Variants in MBD5 observed in about 807,000 individuals in gnomAD.
MBD5 encodes the protein methyl-CpG-binding domain protein 5.
MBD5 carries 13 observed loss-of-function variants against 117.3 expected under a neutral mutation model. The ratio of observed to expected loss-of-function variants is 0.11; its 90% CI spans 0.07 to 0.18. The LOEUF (loss-of-function observed/expected upper bound fraction) is 0.18, where lower values mean the gene tolerates loss of function less well. MBD5 is among the 10% of genes least tolerant of loss of function. The pLI is 1.00. For missense variants in MBD5, 1,879 were observed against 2,093.8 expected (o/e 0.90, Z 2.00); for synonymous variants, 727 against 766.4 (o/e 0.95, Z 0.85).
At position 148,469,351 on chromosome 2, in the gene MBD5, G is replaced by A; in HGVS notation, c.1408G>A (p.Gly470Arg). 6.2e-7 allele frequency: 1 copy of A among 1,613,666 alleles called. No individual in the cohort carries two copies. The highest frequency in any genetic ancestry group is 8.5e-7 in the Non-Finnish European group (1 of 1,179,934). The change falls in exon 8 of 14, where the codon GGA becomes AGA. Residue 470 changes from glycine (G) to arginine (R), a missense_variant. Physicochemically the swap from Gly to Arg is moderately radical, Grantham distance 125. This residue lies in a region of MBD5 where 1,666 missense variants were observed against 1,792.2 expected (regional missense o/e 0.93). Transcript: ENST00000642680. Reference protein sequence around the residue: ...SRSSSTSSDHGNFMMPPVGPQ... With the variant: ...SRSSSTSSDHRNFMMPPVGPQ... ...CTCATCTTCCACATCATCAGATCAT[G>A]GAAATTTCATGATGCCACCTGTAGG... is the stretch of plus-strand genomic sequence containing the variant.
At chr2:148,064,337 G>C (rs1695125237) in intron 1 of MBD5, among the ~76,000 whole-genome samples, 1 of 151,448 alleles carries the variant, frequency 6.6e-6, no homozygotes, top group Non-Finnish European at 1.5e-5. Flanking sequence ...GGATGGTCTC[G>C]ATCTCCTGAC....
At chr2:148,355,222 T>C (rs1298781614) in intron 4 of MBD5, among the ~76,000 whole-genome samples, 1 of 151,960 alleles carries the variant, frequency 6.6e-6, no homozygotes, top group Non-Finnish European at 1.5e-5. Flanking sequence ...ATTCTGTAGG[T>C]GGTCTGTTCA....
At chr2:148,145,211 T>A (rs1235446977) in intron 1 of MBD5, among the ~76,000 whole-genome samples, 1 of 152,346 alleles carries the variant, frequency 6.6e-6, no homozygotes, top group South Asian at 2.1e-4. Flanking sequence ...TTTGAAGCAA[T>A]TGTGAATGGG....
chr2:148,293,169 A>T (rs973585580), intron 3 of MBD5, among the ~76,000 whole-genome samples: 9 of 151,334 alleles, frequency 5.9e-5, no homozygotes, highest in African/African-American at 2.2e-4. Flanking sequence ...AAAAAAAAAA[A>T]AATTAGCCAG....
intron 2 of MBD5, among the ~76,000 whole-genome samples, chr2:148,187,307 C>T (rs73009272): frequency 6.8e-6 from 1 of 146,312 alleles, no homozygotes; most frequent in African/African-American, 2.7e-5. Context: ...TTCCTCCATA[C>T]CCCCCCCAAA....
intron 4 of MBD5, among the ~76,000 whole-genome samples, chr2:148,368,568 A>G (rs1194659889): frequency 2.0e-5 from 3 of 152,176 alleles, no homozygotes; most frequent in Non-Finnish European, 2.9e-5. Context: ...GCTCTTACTA[A>G]TTCTTGGTAA....
At chr2:148,276,435 A>G (rs1184764757) in intron 3 of MBD5, among the ~76,000 whole-genome samples, 1 of 152,204 alleles carries the variant, frequency 6.6e-6, no homozygotes, top group East Asian at 1.9e-4. Flanking sequence ...ACCATTTGCC[A>G]TATTTGGTTT....
Position 148,490,058 on chromosome 2 carries a change from G to A in MBD5, c.4426G>A (p.Glu1476Lys), listed in dbSNP as rs868827314. ...CTCTACACTGCCATTTCTGCCTGGG[G>A]AACAGCACCCAATACTGTTACCACC... ...NVSTLPFLPG[E>K]QHPILLPPRN... The change falls in exon 11 of 14, where the codon GAA becomes AAA. Residue 1476 changes from glutamate (E) to lysine (K), a missense_variant. By Grantham distance (56) the Glu-to-Lys change is moderately conservative. This residue lies in a region of MBD5 where 1,666 missense variants were observed against 1,792.2 expected (regional missense o/e 0.93). Coordinates refer to ENST00000642680, the MANE Select transcript of MBD5 (RefSeq NM_001378120.1). 1 of 1,613,868 alleles carries A rather than the reference G, an allele frequency of 6.2e-7. No homozygotes were observed. The highest frequency in any genetic ancestry group is 1.1e-5 in the South Asian group (1 of 91,054).
chr2:148,390,425 TTA>T (rs140339054), intron 4 of MBD5, among the ~76,000 whole-genome samples: 8 of 151,044 alleles, frequency 5.3e-5, no homozygotes, highest in Non-Finnish European at 8.8e-5. Flanking sequence ...TCTATAATAA[TTA>T]TATATATATG....
intron 1 of MBD5, among the ~76,000 whole-genome samples, chr2:148,069,116 C>G (rs1451260647): frequency 6.6e-6 from 1 of 152,130 alleles, no homozygotes; most frequent in African/African-American, 2.4e-5. Context: ...TTCAGAATAT[C>G]TGATTCCCTT....
At chr2:148,442,692 A>T (rs541680978) in intron 4 of MBD5, among the ~76,000 whole-genome samples, 1 of 151,354 alleles carries the variant, frequency 6.6e-6, no homozygotes, top group African/African-American at 2.5e-5. Context: ...TTGGATATCC[A>T]TATATAAAAG....
chr2:148,490,681 G>C, intron 11 of MBD5, 87 bp downstream of exon 11: 1 of 1,538,172 alleles, frequency 6.5e-7, no homozygotes, highest in Non-Finnish European at 8.9e-7. Flanking sequence ...TGGATTCTTT[G>C]GATTTGAAAT....
chr2:148,032,816 C>T lies in MBD5; in HGVS notation c.-925+11132C>T, dbSNP rs185284529. ...GAATCATGGTTACAGTGACAGGTCT[C>T]ATAAGAAACCCTTTTAACAGAAATA... On this transcript the variant is annotated intron_variant, in intron 1 of 13. Coordinates refer to ENST00000642680, the MANE Select transcript of MBD5 (RefSeq NM_001378120.1). Among the ~76,000 whole-genome samples the T allele has an allele frequency of 2.0e-4, 31 of 152,144 alleles. 2 individuals carry two copies. In the East Asian group the frequency reaches 6.0e-3, roughly 29 times the overall value.
chr2:148,076,344 A>T (rs1287246011), intron 1 of MBD5, among the ~76,000 whole-genome samples: 1 of 152,208 alleles, frequency 6.6e-6, no homozygotes, highest in East Asian at 1.9e-4. Context: ...TTATGAAGTA[A>T]TGAGAAATAA....
chr2:148,169,993 G>T (rs1294183552), intron 1 of MBD5, among the ~76,000 whole-genome samples: 1 of 151,730 alleles, frequency 6.6e-6, no homozygotes, highest in African/African-American at 2.4e-5. Flanking sequence ...CGCCTCCCGG[G>T]TTCACGCCAT....
At chr2:148,102,892 GTGGGGAA>G (rs1696268808) in intron 1 of MBD5, among the ~76,000 whole-genome samples, 1 of 151,992 alleles carries the variant, frequency 6.6e-6, no homozygotes, top group Admixed American at 6.6e-5. Context: ...CAAATGTTTT[GTGGGGAA>G]TTTTTTTTTA....
chr2:148,374,701 A>G lies in MBD5; in HGVS notation c.-557+32365A>G, dbSNP rs181477131. ...AAGTACCTCCTCTCAGGATTCTGGG[A>G]TATTACAGAAGATGATCGCTCAGGC... On this transcript the variant is annotated intron_variant, in intron 4 of 13. Coordinates refer to ENST00000642680, the MANE Select transcript of MBD5 (RefSeq NM_001378120.1). Among the ~76,000 whole-genome samples the G allele has an allele frequency of 9.8e-4, 149 of 152,258 alleles. 1 individual carries two copies. The highest frequency in any genetic ancestry group is 3.3e-3 in the African/African-American group (138 of 41,534).
chr2:148,394,522 C>T, intron 4 of MBD5, among the ~76,000 whole-genome samples: 1 of 133,610 alleles, frequency 7.5e-6, no homozygotes. Context: ...ACAGTTAATT[C>T]CCTTTTTTCA....
At chr2:148,128,943 T>C (rs913761631) in intron 1 of MBD5, among the ~76,000 whole-genome samples, 4 of 152,240 alleles carry the variant, frequency 2.6e-5, no homozygotes, top group Admixed American at 2.6e-4. Context: ...TGAATGTTTC[T>C]ATCAGCATAA....
Sources: gnomAD v4.1 joint callset for allele counts (sites outside exome capture counted in the v4.1 genomes callset) on GRCh38, gnomAD v4.1.1 for gene constraint, gnomAD v4.1.1 regional missense constraint, MANE v1.5 for transcripts, NCBI Gene and HGNC (gene_info 2026-07-23, HGNC 2026-07-21) for gene names.